Variants in MSH3 observed in about 807,000 individuals in gnomAD.
The protein encoded by MSH3 is DNA mismatch repair protein Msh3.
A neutral mutation model predicts 123.3 loss-of-function variants in MSH3; 106 were observed. The ratio of observed to expected loss-of-function variants is 0.86; its 90% confidence interval spans 0.73 to 1.01. The LOEUF (loss-of-function observed/expected upper bound fraction) is 1.01, where lower values mean the gene tolerates loss of function less well. Among genes scored for constraint, MSH3 ranks in the 50% least tolerant of loss-of-function variants. The pLI, the probability that MSH3 is intolerant of heterozygous loss-of-function variation, is 0.00. For missense variants in MSH3, 1,459 were observed against 1,347.6 expected (o/e 1.08, Z -1.29); for synonymous variants, 515 against 481.4 (o/e 1.07, Z -0.91).
At position 80,876,065 on chromosome 5, in the gene MSH3, T is replaced by G; in HGVS notation, c.*203T>G. On this transcript the variant is annotated 3_prime_UTR_variant, in exon 24 of 24. Transcript: ENST00000265081. ...TCCTAACTTTTCTACGTATAAACAC[T>G]CTTGAATAGACTTCCACTTTGTAAT... The G allele has an allele frequency of 1.8e-6, 1 of 557,766 alleles. No homozygotes were observed. The highest frequency in any genetic ancestry group is 3.1e-5 in the Admixed American group (1 of 31,778). 34.6% of individuals were successfully genotyped at this position (557,766 alleles called of 1,614,324 possible).
At chr5:80,745,431 C>T (rs1285186612) in intron 12 of MSH3, among the ~76,000 whole-genome samples, 1 of 152,200 alleles carries the variant, frequency 6.6e-6, no homozygotes, top group East Asian at 1.9e-4. Context: ...GTGTTTAATA[C>T]TCAAAATCAC....
chr5:80,812,584 C>CTTTTT (rs11415035), intron 19 of MSH3, among the ~76,000 whole-genome samples: 7 of 123,678 alleles, frequency 5.7e-5, no homozygotes, highest in Admixed American at 8.7e-5. Context: ...CTGGTTCTGG[C>CTTTTT]TTTTTTTTTT....
At chr5:80,869,839 T>TACACACACACAC (rs1222307003) in intron 22 of MSH3, among the ~76,000 whole-genome samples, 2 of 54,710 alleles carry the variant, frequency 3.7e-5, no homozygotes, top group Non-Finnish European at 8.4e-5. Flanking sequence ...TATACATATA[T>TACACACACACAC]ATACACACAC....
chr5:80,846,751 G>C (rs373117021), intron 20 of MSH3, among the ~76,000 whole-genome samples: 2 of 152,350 alleles, frequency 1.3e-5, no homozygotes, highest in African/African-American at 4.8e-5. Context: ...CTGGTCTGCC[G>C]GTTGCAAAGA....
intron 20 of MSH3, among the ~76,000 whole-genome samples, chr5:80,818,254 G>C (rs897457792): frequency 6.6e-6 from 1 of 151,710 alleles, no homozygotes; most frequent in African/African-American, 2.4e-5. Flanking sequence ...CAGACCTCTA[G>C]ATCTAGATAC....
intron 20 of MSH3, among the ~76,000 whole-genome samples, chr5:80,816,935 A>G (rs1745111268): frequency 1.3e-5 from 2 of 152,240 alleles, no homozygotes; most frequent in Non-Finnish European, 2.9e-5. Flanking sequence ...GGGAGCTATC[A>G]TATAGTAGGC....
At chr5:80,725,318 C>G in intron 8 of MSH3, 135 bp from the exon 9 acceptor site, 1 of 627,438 alleles carries the variant, frequency 1.6e-6, no homozygotes, top group Non-Finnish European at 2.8e-6. Flanking sequence ...CTTTCTTTCT[C>G]TCTCTTTCTT....
chr5:80,740,849 G>A (rs28026), intron 10 of MSH3, among the ~76,000 whole-genome samples: 18,554 of 151,724 alleles, frequency 0.12, 1,298 homozygotes, highest in Middle Eastern at 0.2. Context: ...CGAGTACCTG[G>A]GACTACAGGT....
At chr5:80,711,762 C>T (rs988477510) in intron 8 of MSH3, among the ~76,000 whole-genome samples, 1 of 151,996 alleles carries the variant, frequency 6.6e-6, no homozygotes, top group African/African-American at 2.4e-5. Flanking sequence ...TCAAGCGATT[C>T]TCCTGCCTTA....
chr5:80,762,784 T>TG, intron 13 of MSH3, among the ~76,000 whole-genome samples: 1 of 137,834 alleles, frequency 7.3e-6, no homozygotes, highest in African/African-American at 2.8e-5. Context: ...TAATTTTTTA[T>TG]TTTATTTTAT....
At chr5:80,795,611 T>C (rs1442449531) in intron 19 of MSH3, among the ~76,000 whole-genome samples, 2 of 152,184 alleles carry the variant, frequency 1.3e-5, no homozygotes, top group Non-Finnish European at 2.9e-5. Flanking sequence ...GATTTCAACA[T>C]ACAAATTTGG....
chr5:80,755,458 C>G (rs1743909731), intron 12 of MSH3, among the ~76,000 whole-genome samples: 1 of 152,168 alleles, frequency 6.6e-6, no homozygotes, highest in Non-Finnish European at 1.5e-5. Context: ...CTTTCTCCAT[C>G]TTTATGCCTT....
In MSH3 at chr5:80,688,858, G is replaced by A. The variant is rs6151674; in HGVS notation, c.1340+9765G>A. 6.9e-3 allele frequency among the ~76,000 whole-genome samples: 1,047 copies of A among 152,128 alleles called. 12 individuals carry two copies. Among genetic ancestry groups the A allele is most frequent in the African/African-American group, 0.024 (1,000 of 41,512 alleles). ...TGTTATTAAGTGGTCGGTACTTGAT[G>A]GTACCAATTTCGTGATTGCAGTGTT... On this transcript the variant is annotated intron_variant, in intron 8 of 23. Transcript: ENST00000265081.
At chr5:80,781,210 T>C (rs1180561410) in intron 17 of MSH3, among the ~76,000 whole-genome samples, 1 of 152,166 alleles carries the variant, frequency 6.6e-6, no homozygotes, top group Non-Finnish European at 1.5e-5. Context: ...TTGTCCTGGC[T>C]TTTTCCTTAG....
rs541792544 is a variant in MSH3 at position 80,724,373 on chromosome 5, G to A, written c.1341-1080G>A. On this transcript the variant is annotated intron_variant, in intron 8 of 23. Coordinates refer to ENST00000265081, the MANE Select transcript of MSH3 (RefSeq NM_002439.5). ...TATAAAATCATCTCAGTTTTATAAT[G>A]TAGTAATATATAATGAGCATATATT... 4.9e-3 allele frequency among the ~76,000 whole-genome samples: 326 copies of A among 67,054 alleles called. 2 individuals carry two copies. Among genetic ancestry groups the A allele is most frequent in the African/African-American group, 0.023 (314 of 13,506 alleles). 44.0% of individuals were successfully genotyped at this position (67,054 alleles called of 152,430 possible).
At chr5:80,875,473 G>T (rs1746291855) in intron 23 of MSH3, among the ~76,000 whole-genome samples, 2 of 152,200 alleles carry the variant, frequency 1.3e-5, no homozygotes, top group African/African-American at 4.8e-5. Flanking sequence ...AGCAGAGTTT[G>T]AAGGAGGAGG....
At chr5:80,839,094 C>T (rs6151906) in intron 20 of MSH3, among the ~76,000 whole-genome samples, 37,201 of 152,010 alleles carry the variant, frequency 0.24, 5,059 homozygotes, top group East Asian at 0.37. Context: ...TGGCTGGGTG[C>T]GGTGGCTCAA....
intron 20 of MSH3, among the ~76,000 whole-genome samples, chr5:80,851,564 T>C (rs919121917): frequency 6.6e-6 from 1 of 152,156 alleles, no homozygotes; most frequent in Admixed American, 6.5e-5. Context: ...TTATAATTAC[T>C]GTAAGTTTTT....
At chr5:80,669,677 G>T (rs1032488256) in intron 3 of MSH3, among the ~76,000 whole-genome samples, 6 of 152,120 alleles carry the variant, frequency 3.9e-5, no homozygotes, top group Admixed American at 2.0e-4. Flanking sequence ...TTATCTGTTG[G>T]CATGCTTTGC....
Sources: allele counts gnomAD v4.1 joint callset (sites outside exome capture counted in the v4.1 genomes callset), GRCh38; gene constraint gnomAD v4.1.1; transcripts MANE v1.5; gene names NCBI Gene and HGNC (gene_info 2026-07-23, HGNC 2026-07-21).